Variants in HS6ST3 observed in about 807,000 individuals in gnomAD.
HS6ST3 encodes the protein heparan-sulfate 6-O-sulfotransferase 3.
In HS6ST3, 12 loss-of-function variants were observed where a neutral mutation model predicts 36.7. That is an observed-to-expected ratio of 0.33 (90% CI 0.21 to 0.53). The LOEUF (loss-of-function observed/expected upper bound fraction) is 0.53, where lower values mean the gene tolerates loss of function less well. Ranked by LOEUF, HS6ST3 falls within the 20% of genes least tolerant of loss-of-function variation. HS6ST3 has a pLI of 0.95. For synonymous variants in HS6ST3, 240 were observed against 257.5 expected (o/e 0.93, Z 0.65); for missense variants, 584 against 640.9 (o/e 0.91, Z 0.96).
At chr13:96,618,680 C>T (rs917033979) in intron 1 of HS6ST3, among the ~76,000 whole-genome samples, 2 of 152,200 alleles carry the variant, frequency 1.3e-5, no homozygotes, top group South Asian at 2.1e-4. Flanking sequence ...CAATGCCTAA[C>T]GCATGGAAGA....
chr13:96,484,841 A>G (rs751570827), intron 1 of HS6ST3, among the ~76,000 whole-genome samples: 17 of 152,050 alleles, frequency 1.1e-4, no homozygotes, highest in Non-Finnish European at 2.1e-4. Flanking sequence ...TACTGATTTC[A>G]TTTCCTTTGG....
chr13:96,677,261 G>A (rs946249638), intron 1 of HS6ST3, among the ~76,000 whole-genome samples: 3 of 152,050 alleles, frequency 2.0e-5, no homozygotes, highest in African/African-American at 7.2e-5. Context: ...CAATAAAGAT[G>A]AAATAAAATG....
At chr13:96,496,758 A>G (rs2055979001) in intron 1 of HS6ST3, among the ~76,000 whole-genome samples, 1 of 152,088 alleles carries the variant, frequency 6.6e-6, no homozygotes, top group African/African-American at 2.4e-5. Context: ...TTTTTTTTTA[A>G]GCCATTAAGC....
chr13:96,709,262 C>CTG (rs1214277836), intron 1 of HS6ST3, among the ~76,000 whole-genome samples: 1 of 152,222 alleles, frequency 6.6e-6, no homozygotes, highest in Non-Finnish European at 1.5e-5. Flanking sequence ...CCATGTAGAA[C>CTG]TGTGAGTCAA....
intron 1 of HS6ST3, among the ~76,000 whole-genome samples, chr13:96,346,672 A>C (rs1199964115): frequency 6.6e-6 from 1 of 152,152 alleles, no homozygotes; most frequent in Non-Finnish European, 1.5e-5. Context: ...AATGTGCTAA[A>C]ACTTGGGCAT....
At chr13:96,621,473 T>G (rs1025610469) in intron 1 of HS6ST3, among the ~76,000 whole-genome samples, 16 of 152,158 alleles carry the variant, frequency 1.1e-4, no homozygotes, top group African/African-American at 3.9e-4. Context: ...TCCTGAGGCC[T>G]CCCAGCCATG....
intron 1 of HS6ST3, among the ~76,000 whole-genome samples, chr13:96,482,333 G>A (rs2055893929): frequency 6.6e-6 from 1 of 152,184 alleles, no homozygotes; most frequent in East Asian, 1.9e-4. Context: ...ATGAGAGACT[G>A]GTTGTGATAC....
At chr13:96,110,364 G>A (rs899816053) in intron 1 of HS6ST3, among the ~76,000 whole-genome samples, 1 of 151,300 alleles carries the variant, frequency 6.6e-6, no homozygotes, top group East Asian at 2.0e-4. Flanking sequence ...CCACCCCCAT[G>A]ACCCAAACAC....
At chr13:96,791,662 T>C (rs1038275660) in intron 1 of HS6ST3, among the ~76,000 whole-genome samples, 8 of 152,084 alleles carry the variant, frequency 5.3e-5, no homozygotes, top group Non-Finnish European at 1.0e-4. Context: ...CAAGAAAGGA[T>C]ACCTTTACCT....
intron 1 of HS6ST3, among the ~76,000 whole-genome samples, chr13:96,700,057 C>T (rs1875243298): frequency 6.6e-6 from 1 of 152,098 alleles, no homozygotes; most frequent in Admixed American, 6.6e-5. Flanking sequence ...CAGTCTGGAC[C>T]CCTAAACTAT....
intron 1 of HS6ST3, among the ~76,000 whole-genome samples, chr13:96,799,663 G>A (rs1877995322): frequency 6.6e-6 from 1 of 150,950 alleles, no homozygotes; most frequent in Admixed American, 6.6e-5. Context: ...GATAGCATTG[G>A]GAGATATACC....
chr13:96,305,764 A>G (rs575111958), intron 1 of HS6ST3, among the ~76,000 whole-genome samples: 1 of 152,186 alleles, frequency 6.6e-6, no homozygotes, highest in African/African-American at 2.4e-5. Context: ...CCTTGGGCAT[A>G]CATAGTTGGT....
intron 1 of HS6ST3, among the ~76,000 whole-genome samples, chr13:96,149,860 T>C (rs1467019909): frequency 6.6e-6 from 1 of 152,228 alleles, no homozygotes; most frequent in Non-Finnish European, 1.5e-5. Context: ...TCTTAAGATA[T>C]CTGAGAATGA....
intron 1 of HS6ST3, among the ~76,000 whole-genome samples, chr13:96,456,389 T>G (rs968982452): frequency 9.9e-5 from 15 of 152,150 alleles, no homozygotes; most frequent in African/African-American, 3.6e-4. Flanking sequence ...GTGGTCTCAG[T>G]TTATCTAGAT....
intron 1 of HS6ST3, among the ~76,000 whole-genome samples, chr13:96,118,692 T>A (rs868487552): frequency 2.6e-3 from 87 of 34,076 alleles, no homozygotes; most frequent in South Asian, 2.8e-3. Flanking sequence ...ATATATATTT[T>A]TTTTTTTTTT....
intron 1 of HS6ST3, among the ~76,000 whole-genome samples, chr13:96,752,820 T>C (rs1045812626): frequency 6.6e-6 from 1 of 152,202 alleles, no homozygotes; most frequent in South Asian, 2.1e-4. Context: ...TTAATTCTTT[T>C]ATGGTTTGTT....
chr13:96,280,355 C>A (rs777385799), intron 1 of HS6ST3, among the ~76,000 whole-genome samples: 1 of 151,900 alleles, frequency 6.6e-6, no homozygotes, highest in Non-Finnish European at 1.5e-5. Flanking sequence ...AAAAAATCTA[C>A]CATTTCTCCA....
chr13:96,092,793 T>C (rs1353001837), intron 1 of HS6ST3, among the ~76,000 whole-genome samples: 3 of 152,220 alleles, frequency 2.0e-5, no homozygotes, highest in African/African-American at 4.8e-5. Context: ...AATTTCATTA[T>C]GAGATTTTTT....
chr13:96,178,664 G>C (rs2054224248), intron 1 of HS6ST3, among the ~76,000 whole-genome samples: 1 of 152,112 alleles, frequency 6.6e-6, no homozygotes, highest in African/African-American at 2.4e-5. Flanking sequence ...AGATCTCTTA[G>C]GTTGGAGTGA....
Sources: gnomAD v4.1 joint callset for allele counts (sites outside exome capture counted in the v4.1 genomes callset) on GRCh38, gnomAD v4.1.1 for gene constraint, MANE v1.5 for transcripts, NCBI Gene and HGNC (gene_info 2026-07-23, HGNC 2026-07-21) for gene names.